The following SLC24A2 variants were observed in gnomAD, a reference collection of about 807,000 sequenced individuals.
SLC24A2 encodes solute carrier family 24 member 2.
A neutral mutation model predicts 62.0 loss-of-function variants in SLC24A2; 36 were observed. The observed-to-expected ratio is 0.58, with a 90% CI of 0.44 to 0.77. The LOEUF (loss-of-function observed/expected upper bound fraction) is 0.77. Ranked by LOEUF, SLC24A2 falls within the 30% of genes least tolerant of loss-of-function variation. The probability of loss-of-function intolerance (pLI) is 0.00; values close to 1 mark genes in which losing one functional copy is unlikely to be tolerated. For missense variants in SLC24A2, 846 were observed against 817.9 expected (o/e 1.03, Z -0.42); for synonymous variants, 358 against 294.0 (o/e 1.22, Z -2.23).
At chr9:19,894,899 G>A in the SLC24A2 span, among the ~76,000 whole-genome samples, 12 of 152,134 alleles carry the variant, frequency 7.9e-5, no homozygotes, top group Non-Finnish European at 1.3e-4. Flanking sequence ...GAAATATTTG[G>A]AGAAGTTGCA....
intron 5 of SLC24A2, among the ~76,000 whole-genome samples, chr9:19,582,006 C>T (rs914376007): frequency 6.6e-6 from 1 of 152,116 alleles, no homozygotes; most frequent in Admixed American, 6.5e-5. Context: ...CTGCTCAAAT[C>T]GTGAGGCACC....
intron 8 of SLC24A2, among the ~76,000 whole-genome samples, chr9:19,530,925 AT>A (rs1225163625): frequency 6.6e-6 from 1 of 152,174 alleles, no homozygotes; most frequent in Non-Finnish European, 1.5e-5. Flanking sequence ...TGCTCCCAAT[AT>A]CTAGATTATA....
chr9:19,786,868 C>A lies in SLC24A2; in HGVS notation c.-2G>T. ...GGTGGTGCTTTGTTGCAGATCCATC[C>A]TGGGTCTTCTGGTGGATATGGTGAT... is the stretch of plus-strand genomic sequence containing the variant. On this transcript the variant is annotated 5_prime_UTR_variant, in exon 2 of 11. In the 5' UTR this introduces an upstream ATG that the reference lacks. Coordinates refer to ENST00000341998, the MANE Select transcript of SLC24A2 (RefSeq NM_020344.4). The surrounding 1 kb of genome is among the most constrained non-coding windows in gnomAD (Gnocchi z 5.0). 6.2e-7 allele frequency: 1 copy of A among 1,607,374 alleles called. No individual in the cohort carries two copies. Among genetic ancestry groups the A allele is most frequent in the Non-Finnish European group, 8.5e-7 (1 of 1,179,870 alleles).
the SLC24A2 span, among the ~76,000 whole-genome samples, chr9:19,864,173 G>T: frequency 1.3e-5 from 2 of 151,960 alleles, no homozygotes; most frequent in African/African-American, 4.8e-5. Context: ...CAAGCAATGA[G>T]ATTGAAGCCA....
At chr9:20,119,296 CT>C in the SLC24A2 span, among the ~76,000 whole-genome samples, 149 of 152,170 alleles carry the variant, frequency 9.8e-4, 1 homozygote, top group African/African-American at 3.4e-3. Context: ...CTCACAGAAA[CT>C]GTGAGGTAAC....
the SLC24A2 span, among the ~76,000 whole-genome samples, chr9:19,941,461 C>A: frequency 6.6e-6 from 1 of 151,994 alleles, no homozygotes; most frequent in African/African-American, 2.4e-5. Flanking sequence ...AATATAAAAA[C>A]ATCACATATT....
the SLC24A2 span, among the ~76,000 whole-genome samples, chr9:20,252,524 T>C: frequency 6.6e-6 from 1 of 152,186 alleles, no homozygotes; most frequent in Non-Finnish European, 1.5e-5. Flanking sequence ...TCAACAGGGA[T>C]AGAGCACTTG....
At chr9:20,031,545 T>C in the SLC24A2 span, among the ~76,000 whole-genome samples, 2 of 151,918 alleles carry the variant, frequency 1.3e-5, no homozygotes, top group Admixed American at 1.3e-4. Context: ...TAGTGGACCA[T>C]AATTGTGAGA....
the SLC24A2 span, among the ~76,000 whole-genome samples, chr9:20,160,570 T>C: frequency 6.6e-6 from 1 of 151,286 alleles, no homozygotes; most frequent in Non-Finnish European, 1.5e-5. Flanking sequence ...TGTACAAATA[T>C]GAACAAAACT....
chr9:20,068,253 G>A, the SLC24A2 span, among the ~76,000 whole-genome samples: 54 of 151,838 alleles, frequency 3.6e-4, 1 homozygote, highest in African/African-American at 8.4e-4. Context: ...TAGTAGAGAC[G>A]GGGTTTCACC....
At chr9:20,101,628 A>G in the SLC24A2 span, among the ~76,000 whole-genome samples, 3 of 152,200 alleles carry the variant, frequency 2.0e-5, no homozygotes, top group African/African-American at 4.8e-5. Flanking sequence ...CAAACCAAGG[A>G]GGCCAAGGAG....
the SLC24A2 span, among the ~76,000 whole-genome samples, chr9:19,913,804 A>C: frequency 3.9e-5 from 6 of 152,234 alleles, no homozygotes; most frequent in Non-Finnish European, 8.8e-5. Context: ...GCCTTCTCAC[A>C]GTAAATTCTT....
chr9:19,627,697 G>A (rs1564005334), intron 2 of SLC24A2, among the ~76,000 whole-genome samples: 1 of 150,702 alleles, frequency 6.6e-6, no homozygotes, highest in Non-Finnish European at 1.5e-5. Context: ...AGATAATTAC[G>A]AAAAAAAAAT....
the SLC24A2 span, among the ~76,000 whole-genome samples, chr9:19,934,785 C>A: frequency 6.6e-6 from 1 of 152,102 alleles, no homozygotes; most frequent in African/African-American, 2.4e-5. This position sits in a 1 kb window ranked among gnomAD's most constrained non-coding sequence, Gnocchi z 4.1. Context: ...TACAGAGTAA[C>A]GAACCGAGCG....
the SLC24A2 span, among the ~76,000 whole-genome samples, chr9:20,053,923 A>G: frequency 1.5e-5 from 2 of 133,736 alleles, no homozygotes; most frequent in Non-Finnish European, 3.6e-5. Flanking sequence ...CATTGTATCA[A>G]TGTTTAGGTC....
chr9:19,982,387 A>C, the SLC24A2 span, among the ~76,000 whole-genome samples: 6 of 152,226 alleles, frequency 3.9e-5, no homozygotes, highest in Non-Finnish European at 8.8e-5. Context: ...AGTTCACAAA[A>C]GGCCTTGAAC....
chr9:19,905,851 G>A, the SLC24A2 span, among the ~76,000 whole-genome samples: 1 of 152,136 alleles, frequency 6.6e-6, no homozygotes, highest in Non-Finnish European at 1.5e-5. Context: ...ATGTGCACAA[G>A]AGGTCACAGA....
the SLC24A2 span, among the ~76,000 whole-genome samples, chr9:19,994,112 G>A: frequency 1.3e-5 from 2 of 152,166 alleles, no homozygotes; most frequent in African/African-American, 4.8e-5. Context: ...CAGGTGAGCT[G>A]CTGTTTCCAT....
chr9:19,659,222 C>T (rs1272933227), intron 2 of SLC24A2, among the ~76,000 whole-genome samples: 1 of 152,018 alleles, frequency 6.6e-6, no homozygotes, highest in Non-Finnish European at 1.5e-5. Context: ...CACGGAATGC[C>T]CAAGACTCTT....
Sources: allele counts gnomAD v4.1 joint callset (sites outside exome capture counted in the v4.1 genomes callset), GRCh38; gene constraint gnomAD v4.1.1; non-coding constraint Gnocchi (gnomAD v3.1); transcripts MANE v1.5; gene names NCBI Gene and HGNC (gene_info 2026-07-23, HGNC 2026-07-21).